Variants in GRIK3 observed in about 807,000 individuals in gnomAD.
GRIK3 encodes glutamate ionotropic receptor kainate type subunit 3.
GRIK3 carries 29 observed loss-of-function variants against 102.5 expected under a neutral mutation model. The ratio of observed to expected loss-of-function variants is 0.28; its 90% CI spans 0.21 to 0.39. The LOEUF (loss-of-function observed/expected upper bound fraction) is 0.39, where lower values mean the gene tolerates loss of function less well. Among genes scored for constraint, GRIK3 ranks in the 10% least tolerant of loss-of-function variants. The pLI is 1.00. For synonymous variants in GRIK3, 511 were observed against 504.9 expected (o/e 1.01, Z -0.16); for missense variants, 908 against 1,252.4 (o/e 0.73, Z 4.15).
chr1:37,012,563 G>A (rs956336900), intron 1 of GRIK3, among the ~76,000 whole-genome samples: 3 of 152,230 alleles, frequency 2.0e-5, no homozygotes, highest in African/African-American at 7.2e-5. Flanking sequence ...GTGGAAGGGA[G>A]TTTTACATTT....
At chr1:36,832,572 A>G (rs960827415) in intron 10 of GRIK3, among the ~76,000 whole-genome samples, 1 of 152,198 alleles carries the variant, frequency 6.6e-6, no homozygotes, top group Admixed American at 6.5e-5. Flanking sequence ...GTCAACTACT[A>G]GTACCTGTGA....
Position 36,801,190 on chromosome 1 carries a change from CTGTT to C in GRIK3, c.*657_*660del, listed in dbSNP as rs1046382099. ...CCATAAGAATCCAAAATGGCGGCCTCTGTTTGTGCATTCTCTTCTCTCCCATACC... is the reference window on the plus strand; with the variant it reads ...CCATAAGAATCCAAAATGGCGGCCTCTGTGCATTCTCTTCTCTCCCATACC... On this transcript the variant is annotated 3_prime_UTR_variant, in exon 16 of 16. Transcript: ENST00000373091. 7.2e-5 allele frequency: 11 copies of C among 152,306 alleles called. No homozygotes were observed. The highest frequency in any genetic ancestry group is 1.4e-4 in the African/African-American group (6 of 41,474). The allele number at this position is 152,306 out of a possible 1,614,324, so 9.4% of individuals were successfully genotyped here.
At chr1:37,028,887 G>A (rs1370129250) in intron 1 of GRIK3, among the ~76,000 whole-genome samples, 1 of 152,204 alleles carries the variant, frequency 6.6e-6, no homozygotes, top group Non-Finnish European at 1.5e-5. Context: ...GAGCCCTATG[G>A]CTCCATTTAT....
At chr1:36,983,610 A>AAGC (rs1642272213) in intron 1 of GRIK3, among the ~76,000 whole-genome samples, 1 of 152,090 alleles carries the variant, frequency 6.6e-6, no homozygotes. Flanking sequence ...CGCAGCCAAT[A>AAGC]AGCAGCAGCA....
chr1:37,004,233 C>T lies in GRIK3; in HGVS notation c.115+29761G>A, dbSNP rs574612517. 2.6e-5 allele frequency among the ~76,000 whole-genome samples: 4 copies of T among 152,308 alleles called. No homozygotes were observed. In the South Asian group the frequency reaches 8.3e-4, roughly 32 times the overall value. ...CACCCTCCGAGGGGGCTCGGACAAG[C>T]CACAGCACCTTCTCTGAGTCTCAAT... is the stretch of plus-strand genomic sequence containing the variant. On this transcript the variant is annotated intron_variant, in intron 1 of 15. Coordinates refer to ENST00000373091, the MANE Select transcript of GRIK3 (RefSeq NM_000831.4).
intron 1 of GRIK3, among the ~76,000 whole-genome samples, chr1:36,989,040 G>A (rs991028740): frequency 6.6e-6 from 1 of 152,022 alleles, no homozygotes; most frequent in African/African-American, 2.4e-5. Context: ...CACCTCCCCA[G>A]CCTCACACTC....
chr1:36,957,619 A>AAT lies in GRIK3; in HGVS notation c.116-66524_116-66523insAT, dbSNP rs200334305. Among the ~76,000 whole-genome samples the AAT allele has an allele frequency of 4.0e-5, 4 of 101,194 alleles. No homozygotes were observed. The South Asian group carries it at 1.1e-3, about 27-fold the overall frequency. 66.4% of individuals were successfully genotyped at this position (101,194 alleles called of 152,430 possible). On this transcript the variant is annotated intron_variant, in intron 1 of 15. Coordinates refer to ENST00000373091, the MANE Select transcript of GRIK3 (RefSeq NM_000831.4). Reference sequence around the variant, plus strand: ...GCCCCGTGAGCCTGTGTGCCCTGTGACTGTGCCCCGTAAGCCTGTGCCCCA... The same window carrying AAT: ...GCCCCGTGAGCCTGTGTGCCCTGTGAATCTGTGCCCCGTAAGCCTGTGCCCCA...
intron 1 of GRIK3, among the ~76,000 whole-genome samples, chr1:37,024,413 A>G (rs988019103): frequency 1.3e-5 from 2 of 151,766 alleles, no homozygotes; most frequent in African/African-American, 4.8e-5. Flanking sequence ...AACTCATTCA[A>G]TCCTCACAAA....
chr1:37,029,605 T>A (rs938202780), intron 1 of GRIK3, among the ~76,000 whole-genome samples: 1 of 152,186 alleles, frequency 6.6e-6, no homozygotes, highest in African/African-American at 2.4e-5. Context: ...CTGTCCTACA[T>A]ATGGCCTTAT....
intron 1 of GRIK3, among the ~76,000 whole-genome samples, chr1:36,929,670 C>A (rs923627430): frequency 6.6e-6 from 1 of 152,306 alleles, no homozygotes; most frequent in Non-Finnish European, 1.5e-5. Context: ...GTCTGGGAAG[C>A]ACCATATTCG....
At chr1:36,985,830 T>TGC (rs1433644782) in intron 1 of GRIK3, among the ~76,000 whole-genome samples, 1 of 152,170 alleles carries the variant, frequency 6.6e-6, no homozygotes, top group African/African-American at 2.4e-5. Context: ...CCCGTCTCCC[T>TGC]GCTGTGCACA....
chr1:36,810,472 C>T (rs1359083595), intron 13 of GRIK3, among the ~76,000 whole-genome samples: 1 of 152,196 alleles, frequency 6.6e-6, no homozygotes. Flanking sequence ...TTCAGGCTCA[C>T]GACTTTCAAT....
chr1:36,962,715 AAG>A (rs1261686677), intron 1 of GRIK3, among the ~76,000 whole-genome samples: 1 of 151,496 alleles, frequency 6.6e-6, no homozygotes, highest in East Asian at 2.0e-4. Flanking sequence ...TGGAGAGGCA[AAG>A]AGAGGGACCA....
chr1:36,865,942 C>G (rs1471901081), intron 5 of GRIK3, among the ~76,000 whole-genome samples: 1 of 152,188 alleles, frequency 6.6e-6, no homozygotes, highest in African/African-American at 2.4e-5. Context: ...TGCAGCGGCA[C>G]AATCTTAGCT....
At chr1:37,004,801 G>A (rs1642514703) in intron 1 of GRIK3, among the ~76,000 whole-genome samples, 1 of 152,216 alleles carries the variant, frequency 6.6e-6, no homozygotes, top group Non-Finnish European at 1.5e-5. Flanking sequence ...AAATACACCT[G>A]TTATGTGTAA....
intron 13 of GRIK3, among the ~76,000 whole-genome samples, chr1:36,815,695 G>A (rs1446205367): frequency 1.3e-5 from 2 of 152,134 alleles, no homozygotes; most frequent in Admixed American, 6.5e-5. Flanking sequence ...GCACATTCTC[G>A]GCCCCATCTA....
intron 8 of GRIK3, among the ~76,000 whole-genome samples, chr1:36,851,524 G>C (rs1455374406): frequency 4.6e-5 from 7 of 152,256 alleles, no homozygotes; most frequent in Non-Finnish European, 1.0e-4. Flanking sequence ...CAGAGCACCT[G>C]GGTGCAGGAG....
At chr1:37,023,337 A>G (rs548234028) in intron 1 of GRIK3, among the ~76,000 whole-genome samples, 7 of 152,118 alleles carry the variant, frequency 4.6e-5, no homozygotes, top group South Asian at 2.1e-4. Context: ...AAAAAAAAAA[A>G]AAAGAAAGAA....
intron 1 of GRIK3, among the ~76,000 whole-genome samples, chr1:36,896,899 T>A (rs1341863948): frequency 6.6e-6 from 1 of 151,998 alleles, no homozygotes; most frequent in African/African-American, 2.4e-5. Context: ...AGGAAAAAAA[T>A]GCGATCATCT....
Sources: gnomAD v4.1 joint callset for allele counts (sites outside exome capture counted in the v4.1 genomes callset) on GRCh38, gnomAD v4.1.1 for gene constraint, MANE v1.5 for transcripts, NCBI Gene and HGNC (gene_info 2026-07-23, HGNC 2026-07-21) for gene names.